Variants in RMDN2 observed in about 807,000 individuals in gnomAD.
RMDN2 encodes regulator of microtubule dynamics 2.
In RMDN2, 61 loss-of-function variants were observed where a neutral mutation model predicts 52.8. The ratio of observed to expected loss-of-function variants is 1.16; its 90% CI spans 0.94 to 1.43. RMDN2 has a LOEUF of 1.43. RMDN2 is among the 40% of genes most tolerant of loss of function. The pLI is 0.00. For missense variants in RMDN2, 592 were observed against 475.3 expected, an observed-to-expected ratio of 1.25 and a Z score of -2.28; for synonymous variants, 180 against 153.1, an observed-to-expected ratio of 1.18 and a Z score of -1.30.
chr2:38,050,243 G>A (rs968422004), intron 10 of RMDN2, among the ~76,000 whole-genome samples: 1 of 151,718 alleles, frequency 6.6e-6, no homozygotes, highest in African/African-American at 2.4e-5. Flanking sequence ...CCTCCTCAGG[G>A]ACTTCACTTC....
chr2:38,066,934 T>A (rs376671139), intron 10 of RMDN2: 2 of 1,608,086 alleles, frequency 1.2e-6, no homozygotes, highest in African/African-American at 2.7e-5. Flanking sequence ...AAAGTTTCAA[T>A]GCCATTTTGT....
intron 2 of RMDN2, among the ~76,000 whole-genome samples, chr2:37,963,624 A>C (rs996826140): frequency 6.6e-6 from 1 of 152,212 alleles, no homozygotes; most frequent in Non-Finnish European, 1.5e-5. Flanking sequence ...CAGAGAGCAC[A>C]GGGTTGGGGG....
At chr2:38,024,845 A>G (rs891743995) in intron 10 of RMDN2, among the ~76,000 whole-genome samples, 4 of 152,110 alleles carry the variant, frequency 2.6e-5, no homozygotes, top group African/African-American at 9.7e-5. Flanking sequence ...CTTTCCATAT[A>G]TGCATGGGTC....
At chr2:37,927,249 A>G (rs1277329111) in intron 1 of RMDN2, among the ~76,000 whole-genome samples, 2 of 152,198 alleles carry the variant, frequency 1.3e-5, no homozygotes, top group Admixed American at 1.3e-4. Flanking sequence ...ATGCTTTCCA[A>G]ATCTCCCACA....
upstream of RMDN2, among the ~76,000 whole-genome samples, chr2:37,922,948 C>T (rs1279029360): frequency 6.6e-6 from 1 of 152,186 alleles, no homozygotes; most frequent in Non-Finnish European, 1.5e-5. Context: ...CGGAGAAAAG[C>T]TGGAAAAGTA....
At chr2:37,927,757 GTGAC>G in intron 1 of RMDN2, among the ~76,000 whole-genome samples, 1 of 152,294 alleles carries the variant, frequency 6.6e-6, no homozygotes, top group South Asian at 2.1e-4. Flanking sequence ...TGGGCATAGA[GTGAC>G]TTATTTTTTT....
chr2:37,978,593 A>AGGCG (rs1435026771), intron 4 of RMDN2, among the ~76,000 whole-genome samples: 1 of 152,104 alleles, frequency 6.6e-6, no homozygotes, highest in Non-Finnish European at 1.5e-5. Flanking sequence ...TGGGAGGCCA[A>AGGCG]GGCGGGCAGA....
At chr2:37,983,299 C>T (rs1673572590) in intron 5 of RMDN2, among the ~76,000 whole-genome samples, 1 of 152,178 alleles carries the variant, frequency 6.6e-6, no homozygotes, top group African/African-American at 2.4e-5. Flanking sequence ...CATTAAGTAC[C>T]TTGAAATGTA....
chr2:38,051,332 C>T (rs899470539), intron 10 of RMDN2, among the ~76,000 whole-genome samples: 1 of 152,158 alleles, frequency 6.6e-6, no homozygotes, highest in Non-Finnish European at 1.5e-5. Context: ...GGTGATAGAA[C>T]TTTAAATTCC....
chr2:37,938,904 G>T (rs957568403), intron 2 of RMDN2, among the ~76,000 whole-genome samples: 1 of 152,016 alleles, frequency 6.6e-6, no homozygotes, highest in Non-Finnish European at 1.5e-5. Context: ...CTTCAGTTCT[G>T]CTCTGATCTT....
intron 2 of RMDN2, among the ~76,000 whole-genome samples, chr2:37,947,200 C>T (rs1013202416): frequency 1.3e-5 from 2 of 152,072 alleles, no homozygotes; most frequent in African/African-American, 4.8e-5. Context: ...CACCTCCTCC[C>T]ACCCTCCTGA....
chr2:37,952,374 G>C, intron 2 of RMDN2: 1 of 608,352 alleles, frequency 1.6e-6, no homozygotes, highest in East Asian at 2.8e-5. Context: ...CTGTAGTTTT[G>C]AAAGTTAGTT....
chr2:38,047,882 T>A (rs1681370951), intron 10 of RMDN2, among the ~76,000 whole-genome samples: 1 of 152,218 alleles, frequency 6.6e-6, no homozygotes, highest in Non-Finnish European at 1.5e-5. Flanking sequence ...TCCTTCTATG[T>A]CTTCATTCCA....
intron 2 of RMDN2, among the ~76,000 whole-genome samples, chr2:37,966,176 C>T (rs1216640675): frequency 6.6e-6 from 1 of 152,092 alleles, no homozygotes; most frequent in African/African-American, 2.4e-5. Flanking sequence ...AATCCCAGCA[C>T]TTTGGGAGGC....
chr2:38,004,825 T>A (rs1227701787), intron 10 of RMDN2, among the ~76,000 whole-genome samples: 1 of 152,002 alleles, frequency 6.6e-6, no homozygotes, highest in Non-Finnish European at 1.5e-5. Flanking sequence ...GGTATATATA[T>A]CTCCTAATGC....
intron 10 of RMDN2, among the ~76,000 whole-genome samples, chr2:38,035,164 G>A (rs960487072): frequency 1.3e-5 from 2 of 152,104 alleles, no homozygotes; most frequent in Non-Finnish European, 2.9e-5. Context: ...CAGTAGCCAT[G>A]ACAAATACAG....
upstream of RMDN2, among the ~76,000 whole-genome samples, chr2:37,921,115 A>T (rs749439442): frequency 6.6e-6 from 1 of 152,194 alleles, no homozygotes; most frequent in Middle Eastern, 3.2e-3. Context: ...TAACATAAAT[A>T]TCGTTGTTAA....
At chr2:37,978,795 G>GATAT (rs1253001844) in intron 4 of RMDN2, among the ~76,000 whole-genome samples, 1 of 152,094 alleles carries the variant, frequency 6.6e-6, no homozygotes, top group Non-Finnish European at 1.5e-5. Flanking sequence ...TAGATAGATA[G>GATAT]ATAGATAGAT....
At chr2:37,921,200 T>C (rs186893049), upstream of RMDN2, among the ~76,000 whole-genome samples, 2 of 152,362 alleles carry the variant, frequency 1.3e-5, no homozygotes, top group Non-Finnish European at 2.9e-5. Context: ...CCAACCATTT[T>C]ATTGGATTTA....
Sources: allele counts gnomAD v4.1 joint callset (sites outside exome capture counted in the v4.1 genomes callset), GRCh38; gene constraint gnomAD v4.1.1; transcripts MANE v1.5; gene names NCBI Gene and HGNC (gene_info 2026-07-23, HGNC 2026-07-21).